The following MTURN variants were observed in gnomAD, a reference collection of about 807,000 sequenced individuals.
MTURN encodes maturin.
Under a neutral mutation model 14.9 loss-of-function variants are expected in MTURN, and 7 were observed. That is an observed-to-expected ratio of 0.47 (90% CI 0.27 to 0.88). MTURN has a LOEUF of 0.88. Ranked by LOEUF, MTURN falls within the 40% of genes least tolerant of loss-of-function variation. The pLI is 0.14. For synonymous variants in MTURN, 69 were observed against 72.5 expected (o/e 0.95, Z 0.25); for missense variants, 151 against 174.1 (o/e 0.87, Z 0.75).
chr7:30,154,695 C>T (rs1797260122), intron 2 of MTURN, among the ~76,000 whole-genome samples: 1 of 152,132 alleles, frequency 6.6e-6, no homozygotes, highest in South Asian at 2.1e-4. Flanking sequence ...TGTCTTTTTC[C>T]ACACACCCTC....
At chr7:30,146,084 A>G in intron 1 of MTURN, 93 bp from the exon 2 acceptor site, 1 of 1,599,594 alleles carries the variant, frequency 6.3e-7, no homozygotes, top group African/African-American at 1.4e-5. Context: ...AATTGATGTT[A>G]TTAAGAAAAT....
Position 30,158,464 on chromosome 7 carries a change from A to T in MTURN, c.*916A>T, listed in dbSNP as rs764342200. On this transcript the variant is annotated 3_prime_UTR_variant, in exon 3 of 3. Coordinates refer to ENST00000324453, the MANE Select transcript of MTURN (RefSeq NM_152793.3). Reference sequence around the variant, plus strand: ...AAGTAAACCAGGATTAAAAGTTTTTAAAAATATGGTAGAATCCTTCTTTAC... The same window carrying T: ...AAGTAAACCAGGATTAAAAGTTTTTTAAAATATGGTAGAATCCTTCTTTAC... The T allele has an allele frequency of 1.3e-5, 2 of 152,596 alleles. No individual in the cohort carries two copies. Among genetic ancestry groups the T allele is most frequent in the Non-Finnish European group, 2.9e-5 (2 of 68,034 alleles). 9.5% of individuals were successfully genotyped at this position (152,596 alleles called of 1,614,324 possible).
At chr7:30,139,992 G>A (rs1797023873) in intron 1 of MTURN, among the ~76,000 whole-genome samples, 1 of 152,180 alleles carries the variant, frequency 6.6e-6, no homozygotes, top group African/African-American at 2.4e-5. Context: ...GGTCCAAGGA[G>A]TCCTTTCTGC....
rs1421124752 is a variant in MTURN at position 30,159,570 on chromosome 7, T to A, written c.*2022T>A. 2.0e-5 allele frequency: 3 copies of A among 152,630 alleles called. No individual in the cohort carries two copies. Among genetic ancestry groups the A allele is most frequent in the Non-Finnish European group, 4.4e-5 (3 of 68,036 alleles). The allele number at this position is 152,630 out of a possible 1,614,324, so 9.5% of individuals were successfully genotyped here. A position where few individuals can be genotyped will look rare whatever the true frequency, so the allele number is the denominator to read the frequency against. On this transcript the variant is annotated 3_prime_UTR_variant, in exon 3 of 3. Transcript: ENST00000324453. ...TTTGACCAAATACATGTTGGTATTA[T>A]CATGTTAATGTTCTCTGTTTATAAA...
rs1354604007 is a variant in MTURN at position 30,158,850 on chromosome 7, A to G, written c.*1302A>G. 2.0e-5 allele frequency: 3 copies of G among 152,202 alleles called. No homozygotes were observed. The highest frequency in any genetic ancestry group is 2.9e-5 in the Non-Finnish European group (2 of 68,042). 9.4% of individuals were successfully genotyped at this position (152,202 alleles called of 1,614,324 possible). A position where few individuals can be genotyped will look rare whatever the true frequency, so the allele number is the denominator to read the frequency against. ...TGCGGAATGCCTCCTTTACAACACT[A>G]GATTAAACCTAGCATCTGGGGTGGG... is the stretch of plus-strand genomic sequence containing the variant. On this transcript the variant is annotated 3_prime_UTR_variant, in exon 3 of 3. Transcript: ENST00000324453.
chr7:30,139,574 G>A (rs2128030109), intron 1 of MTURN, among the ~76,000 whole-genome samples: 1 of 152,248 alleles, frequency 6.6e-6, no homozygotes, highest in Admixed American at 6.5e-5. Context: ...AAGAAACTGA[G>A]GCTCAGGGAG....
chr7:30,146,112 A>C, intron 1 of MTURN, 65 bp from the exon 2 acceptor site: 1 of 1,606,496 alleles, frequency 6.2e-7, no homozygotes, highest in South Asian at 1.1e-5. Flanking sequence ...GCTTTTCTGA[A>C]CTTCACACTG....
intron 2 of MTURN, among the ~76,000 whole-genome samples, chr7:30,150,249 T>C (rs779430061): frequency 6.6e-6 from 1 of 152,200 alleles, no homozygotes; most frequent in Non-Finnish European, 1.5e-5. Context: ...ATGAGGATAC[T>C]AGACAAAATA....
rs1352668716 is a variant in MTURN, at chr7:30,158,260, A to G, written c.*712A>G. 2.0e-5 allele frequency: 3 copies of G among 152,530 alleles called. No homozygotes were observed. The highest frequency in any genetic ancestry group is 7.2e-5 in the African/African-American group (3 of 41,452). The allele number at this position is 152,530 out of a possible 1,614,324, so 9.4% of individuals were successfully genotyped here. A position where few individuals can be genotyped will look rare whatever the true frequency, so the allele number is the denominator to read the frequency against. ...ACTTTTGAAGTCTATAGTGGAAAATATAGATGGGGTGAAAGATATAATGTA... is the reference window on the plus strand; with the variant it reads ...ACTTTTGAAGTCTATAGTGGAAAATGTAGATGGGGTGAAAGATATAATGTA... On this transcript the variant is annotated 3_prime_UTR_variant, in exon 3 of 3. Coordinates refer to ENST00000324453, the MANE Select transcript of MTURN (RefSeq NM_152793.3).
At chr7:30,142,358 C>G (rs942823447) in intron 1 of MTURN, among the ~76,000 whole-genome samples, 6 of 152,108 alleles carry the variant, frequency 3.9e-5, no homozygotes, top group Non-Finnish European at 7.3e-5. Context: ...CAGCTCAGGC[C>G]AACCTGAGAT....
At position 30,136,648 on chromosome 7, in the gene MTURN, C is replaced by T. The variant is rs182797840; in HGVS notation, c.162+1350C>T. ...CGATAAAGCATTCCCTCCGCCCACA[C>T]GCACCCCCTGAGGAGGGCAGGGATC... On this transcript the variant is annotated intron_variant, in intron 1 of 2. Transcript: ENST00000324453. Among the ~76,000 whole-genome samples the T allele has an allele frequency of 8.0e-4, 121 of 152,174 alleles. 1 individual carries two copies. The highest frequency in any genetic ancestry group is 2.7e-3 in the African/African-American group (114 of 41,506).
rs535892641 is a variant in MTURN, at chr7:30,135,117, G to A, written c.-20G>A. The A allele has an allele frequency of 1.1e-5, 15 of 1,421,222 alleles. No homozygotes were observed. The highest frequency in any genetic ancestry group is 2.6e-5 in the Admixed American group (1 of 38,720). The allele number at this position is 1,421,222 out of a possible 1,614,324, so 88.0% of individuals were successfully genotyped here. A position where few individuals can be genotyped will look rare whatever the true frequency, so the allele number is the denominator to read the frequency against. On this transcript the variant is annotated 5_prime_UTR_variant, in exon 1 of 3. Transcript: ENST00000324453. ...GGAGCGGGAGGGCGGGCGGCGGCGGGAGGCGGGCGCGGGGCCGCGATGGAT... is the reference window on the plus strand; with the variant it reads ...GGAGCGGGAGGGCGGGCGGCGGCGGAAGGCGGGCGCGGGGCCGCGATGGAT...
At position 30,135,261 on chromosome 7, in the gene MTURN, A is replaced by G. The variant is rs759656554; in HGVS notation, c.125A>G (p.Tyr42Cys). ...DFYADPGVSF[Y>C]VLCPDNGCGD... The stretch of plus-strand genomic sequence containing the variant: ...TACGCCGACCCCGGCGTCTCCTTCT[A>G]TGTGCTGTGTCCGGACAACGGCTGC... The change falls in exon 1 of 3, where the codon TAT (tyrosine) becomes TGT (cysteine). Residue 42 changes from tyrosine to cysteine, a missense_variant. Coordinates refer to ENST00000324453, the MANE Select transcript of MTURN (RefSeq NM_152793.3). 2.0e-6 allele frequency: 3 copies of G among 1,523,654 alleles called. No individual in the cohort carries two copies. The highest frequency in any genetic ancestry group is 2.0e-5 in the Admixed American group (1 of 49,510). 94.4% of individuals were successfully genotyped at this position (1,523,654 alleles called of 1,614,324 possible).
chr7:30,142,562 G>A (rs765206925), intron 1 of MTURN, among the ~76,000 whole-genome samples: 2 of 152,184 alleles, frequency 1.3e-5, no homozygotes, highest in African/African-American at 4.8e-5. Flanking sequence ...CATATTCTCA[G>A]CTCACTGAAT....
chr7:30,137,586 G>A (rs1191831850), intron 1 of MTURN: 2 of 471,066 alleles, frequency 4.2e-6, no homozygotes, highest in African/African-American at 2.0e-5. Context: ...GTGGGCAGAT[G>A]ATTCCTTGGG....
rs374284471 is a variant in MTURN, at chr7:30,135,275, G to A, written c.139G>A (p.Asp47Asn). The A allele has an allele frequency of 5.9e-6, 9 of 1,527,662 alleles. No individual in the cohort carries two copies. In the Admixed American group the frequency reaches 1.4e-4, roughly 24 times the overall value. The allele number at this position is 1,527,662 out of a possible 1,614,324, so 94.6% of individuals were successfully genotyped here. The change falls in exon 1 of 3, where the codon GAC (aspartate) becomes AAC (asparagine). Residue 47 changes from aspartate (D) to asparagine (N), a missense_variant. Transcript: ENST00000324453. ...CGTCTCCTTCTATGTGCTGTGTCCG[G>A]ACAACGGCTGCGGCGACAATTTTGT... Reference protein sequence around the residue: ...PGVSFYVLCPDNGCGDNFHVW... With the variant: ...PGVSFYVLCPNNGCGDNFHVW...
At chr7:30,145,746 A>T in intron 1 of MTURN, 1 of 1,289,856 alleles carries the variant, frequency 7.8e-7, no homozygotes, top group Non-Finnish European at 1.0e-6. Flanking sequence ...GTTCCAAGTT[A>T]ATGCTTACAA....
Position 30,161,710 on chromosome 7 carries a change from T to G in MTURN, c.*4162T>G, listed in dbSNP as rs1375254151. 1 of 152,212 alleles carries G rather than the reference T, an allele frequency of 6.6e-6. No individual in the cohort carries two copies. Among genetic ancestry groups the G allele is most frequent in the Non-Finnish European group, 1.5e-5 (1 of 68,038 alleles). 9.4% of individuals were successfully genotyped at this position (152,212 alleles called of 1,614,324 possible). On this transcript the variant is annotated 3_prime_UTR_variant, in exon 3 of 3. Coordinates refer to ENST00000324453, the MANE Select transcript of MTURN (RefSeq NM_152793.3). The stretch of plus-strand genomic sequence containing the variant: ...TAAGCGATCACAGACCCCTCTCCCC[T>G]GCAGTGGGTGTTAGCTCCAAAGAGA...
Position 30,162,636 on chromosome 7 carries a change from C to T in MTURN, c.*5088C>T, listed in dbSNP as rs1797392416. 1 of 152,546 alleles carries T rather than the reference C, an allele frequency of 6.6e-6. No homozygotes were observed. The highest frequency in any genetic ancestry group is 2.4e-5 in the African/African-American group (1 of 41,410). 9.4% of individuals were successfully genotyped at this position (152,546 alleles called of 1,614,324 possible). Reference sequence around the variant, plus strand: ...AAAAACTGTTGCCCTTCGTTAGATGCTTCAAACAGTGTAAATCCTATACTG... The same window carrying T: ...AAAAACTGTTGCCCTTCGTTAGATGTTTCAAACAGTGTAAATCCTATACTG... On this transcript the variant is annotated 3_prime_UTR_variant, in exon 3 of 3. Transcript: ENST00000324453.
Sources: gnomAD v4.1 joint callset for allele counts (sites outside exome capture counted in the v4.1 genomes callset) on GRCh38, gnomAD v4.1.1 for gene constraint, MANE v1.5 for transcripts, NCBI Gene and HGNC (gene_info 2026-07-23, HGNC 2026-07-21) for gene names.